GRID1: variants seen among roughly 807,000 people sequenced by gnomAD.
GRID1 encodes glutamate ionotropic receptor delta type subunit 1.
In GRID1, 28 loss-of-function variants were observed where a neutral mutation model predicts 98.0. That is an observed-to-expected ratio of 0.29 (90% CI 0.21 to 0.39). GRID1 has a LOEUF of 0.39. Among genes scored for constraint, GRID1 ranks in the 10% least tolerant of loss-of-function variants. The pLI is 1.00. For synonymous variants in GRID1, 553 were observed against 538.5 expected (o/e 1.03, Z -0.37); for missense variants, 1,111 against 1,340.5 (o/e 0.83, Z 2.67).
At chr10:85,776,753 G>A (rs566677845) in intron 8 of GRID1, among the ~76,000 whole-genome samples, 103 of 152,238 alleles carry the variant, frequency 6.8e-4, no homozygotes, top group Non-Finnish European at 9.4e-4. Context: ...GGCCTGCAAG[G>A]GCACTGGCTC....
chr10:86,112,796 T>C (rs1244099130), intron 4 of GRID1, among the ~76,000 whole-genome samples: 2 of 152,204 alleles, frequency 1.3e-5, no homozygotes, highest in African/African-American at 4.8e-5. Flanking sequence ...CTCCAGGGAC[T>C]GCTGATGAGA....
At chr10:86,117,330 T>C (rs918581588) in intron 4 of GRID1, among the ~76,000 whole-genome samples, 19 of 146,706 alleles carry the variant, frequency 1.3e-4, no homozygotes, top group Non-Finnish European at 2.7e-4. Flanking sequence ...ATCACCACCA[T>C]CATCACCACC....
At chr10:85,966,346 G>A (rs879130579) in intron 4 of GRID1, among the ~76,000 whole-genome samples, 4 of 152,142 alleles carry the variant, frequency 2.6e-5, no homozygotes, top group African/African-American at 9.7e-5. Context: ...GACACACCTG[G>A]AAAGATCTCA....
chr10:85,764,346 C>T (rs1842176495), intron 8 of GRID1, among the ~76,000 whole-genome samples: 1 of 152,198 alleles, frequency 6.6e-6, no homozygotes, highest in African/African-American at 2.4e-5. Context: ...CACCACAGGG[C>T]CTCAGGATAA....
In GRID1 at chr10:86,138,984, C is replaced by A. The variant is rs755540169; in HGVS notation, c.561G>T (p.Arg187=). Residue 187 remains arginine, a synonymous_variant, in exon 4 of 16, where the codon CGG becomes CGT. Coordinates refer to ENST00000327946, the MANE Select transcript of GRID1 (RefSeq NM_017551.3). The part of the protein sequence containing the change: ...GLQSFLDQAS[R]LGLDVSLQKV... ...TTTGTAAAGAGACGTCAAGGCCCAG[C>A]CGCGAGGCCTGGTCCAGAAAGCTTT... 30 of 1,614,016 alleles carry A rather than the reference C, an allele frequency of 1.9e-5. No homozygotes were observed. In the Admixed American group the frequency reaches 4.7e-4, roughly 25 times the overall value.
At chr10:85,907,278 A>G (rs1564623620) in intron 5 of GRID1, among the ~76,000 whole-genome samples, 2 of 152,146 alleles carry the variant, frequency 1.3e-5, no homozygotes, top group Non-Finnish European at 2.9e-5. Flanking sequence ...CACCTGGCTA[A>G]TTTTTGCATT....
At chr10:85,660,942 A>T (rs1246898392) in intron 12 of GRID1, among the ~76,000 whole-genome samples, 1 of 152,148 alleles carries the variant, frequency 6.6e-6, no homozygotes, top group Admixed American at 6.5e-5. Context: ...GTTCTCATCT[A>T]CACAACAGGA....
intron 3 of GRID1, among the ~76,000 whole-genome samples, chr10:86,174,848 T>C (rs2131996130): frequency 1.3e-5 from 2 of 152,014 alleles, no homozygotes; most frequent in Middle Eastern, 6.8e-3. Flanking sequence ...AACAGACACT[T>C]CTCAAAAGAA....
intron 4 of GRID1, among the ~76,000 whole-genome samples, chr10:86,097,743 C>G (rs1844241904): frequency 6.6e-6 from 1 of 152,122 alleles, no homozygotes; most frequent in African/African-American, 2.4e-5. Flanking sequence ...AAAAGGTGGA[C>G]AGATACATAT....
At chr10:86,027,078 CT>C (rs1180364101) in intron 4 of GRID1, among the ~76,000 whole-genome samples, 1 of 152,224 alleles carries the variant, frequency 6.6e-6, no homozygotes, top group African/African-American at 2.4e-5. Context: ...AAATCCCAGA[CT>C]TCTCTATCTG....
At chr10:85,942,625 A>G (rs952065776) in intron 4 of GRID1, among the ~76,000 whole-genome samples, 2 of 152,170 alleles carry the variant, frequency 1.3e-5, no homozygotes, top group African/African-American at 4.8e-5. Flanking sequence ...TAAGACATAA[A>G]CCTGATGCCA....
intron 3 of GRID1, among the ~76,000 whole-genome samples, chr10:86,205,659 A>C (rs1846015680): frequency 1.3e-5 from 2 of 152,162 alleles, no homozygotes. Context: ...CATAATTTTC[A>C]AAAAAATTGT....
chr10:85,979,221 C>T (rs1252634229), intron 4 of GRID1, among the ~76,000 whole-genome samples: 1 of 152,130 alleles, frequency 6.6e-6, no homozygotes, highest in East Asian at 1.9e-4. Flanking sequence ...TGCCCATCAG[C>T]ATCATCTGGA....
At position 85,756,526 on chromosome 10, in the gene GRID1, G is replaced by A. The variant is rs529383312; in HGVS notation, c.1234-26912C>T. 3.3e-5 allele frequency among the ~76,000 whole-genome samples: 5 copies of A among 152,256 alleles called. No homozygotes were observed. The East Asian group carries it at 5.8e-4, about 18-fold the overall frequency. The stretch of plus-strand genomic sequence containing the variant: ...TAACCAAGACAGGTACAAAGTGACC[G>A]ACTGGTAGGCATTATCTACAGTGTG... On this transcript the variant is annotated intron_variant, in intron 8 of 15. Transcript: ENST00000327946.
intron 3 of GRID1, among the ~76,000 whole-genome samples, chr10:86,160,977 G>C (rs931759015): frequency 2.6e-5 from 4 of 152,218 alleles, no homozygotes; most frequent in African/African-American, 7.2e-5. Context: ...CTCAGCATCT[G>C]TTTGGGTGCT....
chr10:86,234,669 C>T (rs1346267131), intron 2 of GRID1, among the ~76,000 whole-genome samples: 1 of 152,216 alleles, frequency 6.6e-6, no homozygotes, highest in East Asian at 1.9e-4. Context: ...TTGCTGCTCT[C>T]ATCCTCTGAC....
intron 8 of GRID1, among the ~76,000 whole-genome samples, chr10:85,789,133 G>A (rs1348883001): frequency 6.6e-6 from 1 of 152,124 alleles, no homozygotes; most frequent in Non-Finnish European, 1.5e-5. Flanking sequence ...AAATAAATGA[G>A]CTTTGTCTTC....
At chr10:85,830,860 G>A (rs1426568743) in intron 8 of GRID1, among the ~76,000 whole-genome samples, 1 of 152,164 alleles carries the variant, frequency 6.6e-6, no homozygotes, top group Admixed American at 6.5e-5. Flanking sequence ...CTACACTGCT[G>A]GTGTAATGTA....
chr10:86,180,001 C>T (rs1325133724), intron 3 of GRID1, among the ~76,000 whole-genome samples: 2 of 152,212 alleles, frequency 1.3e-5, no homozygotes, highest in Admixed American at 1.3e-4. Flanking sequence ...CTTGCAGAGG[C>T]CTGAGGCACC....
Sources: allele counts gnomAD v4.1 joint callset (sites outside exome capture counted in the v4.1 genomes callset), GRCh38; gene constraint gnomAD v4.1.1; transcripts MANE v1.5; gene names NCBI Gene and HGNC (gene_info 2026-07-23, HGNC 2026-07-21).